CMTM4: variants seen among roughly 807,000 people sequenced by gnomAD.
The protein encoded by CMTM4 is CKLF-like MARVEL transmembrane domain-containing protein 4.
Under a neutral mutation model 19.0 loss-of-function variants are expected in CMTM4, and 8 were observed. The observed-to-expected ratio is 0.42, with a 90% CI of 0.25 to 0.76. The LOEUF (loss-of-function observed/expected upper bound fraction) is 0.76. Among genes scored for constraint, CMTM4 ranks in the 30% least tolerant of loss-of-function variants. The pLI, the probability that CMTM4 is intolerant of heterozygous loss-of-function variation, is 0.27. For missense variants in CMTM4, 228 were observed against 290.2 expected (o/e 0.79, Z 1.56); for synonymous variants, 106 against 121.1 (o/e 0.88, Z 0.82).
chr16:66,637,490 G>A lies in CMTM4; in HGVS notation c.187-909C>T, dbSNP rs551758066. On this transcript the variant is annotated intron_variant, in intron 1 of 3. Coordinates refer to ENST00000394106, the MANE Select transcript of CMTM4 (RefSeq NM_181521.3). ...ACCTGGGAGGTAGAGGTTGCAGTAA[G>A]CTGAGATCGCGCCATTGCACTCTAG... is the stretch of plus-strand genomic sequence containing the variant. Among the ~76,000 whole-genome samples, 233 of 152,262 alleles carry A rather than the reference G, an allele frequency of 1.5e-3. 1 individual carries two copies. In the South Asian group the frequency reaches 0.027, roughly 18 times the overall value.
intron 1 of CMTM4, among the ~76,000 whole-genome samples, chr16:66,692,766 G>T (rs1318016406): frequency 6.6e-6 from 1 of 152,060 alleles, no homozygotes; most frequent in Non-Finnish European, 1.5e-5. Context: ...ACTTAGCCGG[G>T]CGTGCTAGTG....
intron 1 of CMTM4, among the ~76,000 whole-genome samples, chr16:66,687,844 C>T (rs1180171345): frequency 2.0e-5 from 3 of 152,002 alleles, no homozygotes; most frequent in Admixed American, 2.0e-4. Context: ...CCTGCCACCA[C>T]ACCCGGCTAA....
intron 1 of CMTM4, among the ~76,000 whole-genome samples, chr16:66,694,001 A>AGTGGC (rs1191227797): frequency 2.0e-5 from 3 of 151,916 alleles, no homozygotes; most frequent in Admixed American, 1.3e-4. Context: ...CAGCCTGGGT[A>AGTGGC]ACAGAGTTAG....
At chr16:66,665,677 G>A (rs1447827689) in intron 1 of CMTM4, among the ~76,000 whole-genome samples, 1 of 152,116 alleles carries the variant, frequency 6.6e-6, no homozygotes, top group Non-Finnish European at 1.5e-5. Flanking sequence ...CCAGGAGGCT[G>A]AGACAGGAGA....
At chr16:66,627,235 T>A (rs1010590105) in intron 2 of CMTM4, among the ~76,000 whole-genome samples, 1 of 152,226 alleles carries the variant, frequency 6.6e-6, no homozygotes, top group Non-Finnish European at 1.5e-5. Flanking sequence ...TTAAAAATAA[T>A]CACGTAGTTA....
At chr16:66,690,103 C>T (rs149528790) in intron 1 of CMTM4, among the ~76,000 whole-genome samples, 4 of 152,282 alleles carry the variant, frequency 2.6e-5, no homozygotes, top group Admixed American at 6.5e-5. Context: ...CTAAAGATAA[C>T]AATCTTCCTA....
intron 2 of CMTM4, among the ~76,000 whole-genome samples, chr16:66,623,792 G>C (rs1596902791): frequency 6.6e-6 from 1 of 152,298 alleles, no homozygotes; most frequent in East Asian, 1.9e-4. Context: ...TTAGAGGTCT[G>C]GTGCCATCTT....
chr16:66,673,164 G>T (rs1449845337), intron 1 of CMTM4, among the ~76,000 whole-genome samples: 6 of 138,550 alleles, frequency 4.3e-5, no homozygotes, highest in Admixed American at 8.0e-5. Flanking sequence ...TCCCACCTCA[G>T]CCTCCCAAAG....
chr16:66,681,912 C>A (rs544198162), intron 1 of CMTM4, among the ~76,000 whole-genome samples: 57 of 152,226 alleles, frequency 3.7e-4, no homozygotes, highest in Non-Finnish European at 7.9e-4. Flanking sequence ...GCCACAGGCA[C>A]ACCCTCCTTA....
At chr16:66,664,031 G>C (rs2016548003) in intron 1 of CMTM4, among the ~76,000 whole-genome samples, 1 of 152,002 alleles carries the variant, frequency 6.6e-6, no homozygotes, top group Non-Finnish European at 1.5e-5. Flanking sequence ...TCAGGAGTTT[G>C]AGACCAGCCT....
intron 1 of CMTM4, among the ~76,000 whole-genome samples, chr16:66,650,304 T>C (rs1202924557): frequency 6.6e-6 from 1 of 152,224 alleles, no homozygotes; most frequent in Non-Finnish European, 1.5e-5. Context: ...GTTCCTAAAG[T>C]TTTCTGGCCA....
chr16:66,673,249 C>G (rs1245155796), intron 1 of CMTM4, among the ~76,000 whole-genome samples: 1 of 146,830 alleles, frequency 6.8e-6, no homozygotes, highest in Non-Finnish European at 1.5e-5. Context: ...ACTCTGTCAT[C>G]CAGGCTGGAG....
At chr16:66,639,661 T>C (rs1241842988) in intron 1 of CMTM4, among the ~76,000 whole-genome samples, 2 of 152,032 alleles carry the variant, frequency 1.3e-5, no homozygotes, top group Middle Eastern at 3.2e-3. Flanking sequence ...GGCGGGTGGA[T>C]TGCTTGAGGC....
At chr16:66,663,715 G>C (rs1352074766) in intron 1 of CMTM4, among the ~76,000 whole-genome samples, 1 of 151,456 alleles carries the variant, frequency 6.6e-6, no homozygotes, top group African/African-American at 2.4e-5. Flanking sequence ...GCTAATTTTT[G>C]TATTTTTAGT....
At chr16:66,692,453 G>A (rs1437733726) in intron 1 of CMTM4, among the ~76,000 whole-genome samples, 1 of 152,148 alleles carries the variant, frequency 6.6e-6, no homozygotes, top group Non-Finnish European at 1.5e-5. Context: ...GGATCACCTG[G>A]GGAATCTTGT....
Position 66,650,009 on chromosome 16 carries a change from C to T in CMTM4, c.187-13428G>A, listed in dbSNP as rs989447295. Among the ~76,000 whole-genome samples, 7 of 152,146 alleles carry T rather than the reference C, an allele frequency of 4.6e-5. No homozygotes were observed. The South Asian group carries it at 1.0e-3, about 23-fold the overall frequency. ...ATACACAAAAAGAACTAACCAGGTG[C>T]GTGGCTCGGTGCCCAGGGAGGTATC... is the stretch of plus-strand genomic sequence containing the variant. On this transcript the variant is annotated intron_variant, in intron 1 of 3. Transcript: ENST00000394106.
At chr16:66,655,612 T>C (rs1160124167) in intron 1 of CMTM4, among the ~76,000 whole-genome samples, 1 of 151,978 alleles carries the variant, frequency 6.6e-6, no homozygotes, top group Non-Finnish European at 1.5e-5. Flanking sequence ...ATACGAGATA[T>C]AAGATCCAAA....
At chr16:66,603,519 C>G in the CMTM4 span, among the ~76,000 whole-genome samples, 1 of 152,118 alleles carries the variant, frequency 6.6e-6, no homozygotes, top group Non-Finnish European at 1.5e-5. Flanking sequence ...GAACTCCTGA[C>G]CTCGTGATCC....
intron 1 of CMTM4, among the ~76,000 whole-genome samples, chr16:66,668,757 C>T (rs1230407698): frequency 1.3e-5 from 2 of 152,036 alleles, no homozygotes; most frequent in South Asian, 4.1e-4. Flanking sequence ...GTATTTATTT[C>T]TTTATATTAT....
Sources: allele counts gnomAD v4.1 joint callset (sites outside exome capture counted in the v4.1 genomes callset), GRCh38; gene constraint gnomAD v4.1.1; transcripts MANE v1.5; gene names NCBI Gene and HGNC (gene_info 2026-07-23, HGNC 2026-07-21).